WARS2: variants seen among roughly 807,000 people sequenced by gnomAD.
WARS2 encodes tryptophan--tRNA ligase, mitochondrial.
In WARS2, 28 loss-of-function variants were observed where a neutral mutation model predicts 36.5. The observed-to-expected ratio is 0.77, with a 90% CI of 0.57 to 1.05. The LOEUF (loss-of-function observed/expected upper bound fraction) is 1.05. Ranked by LOEUF, WARS2 falls within the 50% of genes least tolerant of loss-of-function variation. The pLI is 0.00. For synonymous variants in WARS2, 174 were observed against 178.4 expected (o/e 0.98, Z 0.20); for missense variants, 435 against 456.8 (o/e 0.95, Z 0.44).
Position 119,032,700 on chromosome 1 carries a change from T to G in WARS2, c.*211A>C. 1 of 560,628 alleles carries G rather than the reference T, an allele frequency of 1.8e-6. No individual in the cohort carries two copies. Among genetic ancestry groups the G allele is most frequent in the Non-Finnish European group, 3.1e-6 (1 of 323,422 alleles). 34.7% of individuals were successfully genotyped at this position (560,628 alleles called of 1,614,324 possible). ...AGCTATGCCTTCTTGATTTATTTTT[T>G]GTTGTTGTTGTTCACAGCATTTTGT... On this transcript the variant is annotated 3_prime_UTR_variant, in exon 6 of 6. Transcript: ENST00000235521.
intron 1 of WARS2, among the ~76,000 whole-genome samples, chr1:119,118,700 A>C (rs1279527508): frequency 6.6e-6 from 1 of 152,236 alleles, no homozygotes; most frequent in Non-Finnish European, 1.5e-5. Flanking sequence ...GGTAACTTAT[A>C]AAGGAAAACC....
intron 1 of WARS2, among the ~76,000 whole-genome samples, chr1:119,084,817 G>A (rs587630750): frequency 1.6e-4 from 25 of 152,298 alleles, no homozygotes; most frequent in Non-Finnish European, 3.2e-4. Context: ...TGAATGGTAC[G>A]AAGAATATCT....
chr1:119,124,750 C>T (rs1003036179), intron 1 of WARS2, among the ~76,000 whole-genome samples: 4 of 152,154 alleles, frequency 2.6e-5, no homozygotes, highest in Non-Finnish European at 5.9e-5. Flanking sequence ...TTCTCCCACA[C>T]AAAACCTTCC....
At chr1:119,033,397 A>G (rs1192319401) in intron 5 of WARS2, 38 bp from the exon 6 acceptor site, 1 of 1,608,906 alleles carries the variant, frequency 6.2e-7, no homozygotes, top group Non-Finnish European at 8.5e-7. Flanking sequence ...ACCCAAAACA[A>G]AAACAAAACA....
intron 1 of WARS2, among the ~76,000 whole-genome samples, chr1:119,123,138 T>C (rs1180991797): frequency 1.3e-5 from 2 of 152,218 alleles, no homozygotes; most frequent in Admixed American, 1.3e-4. Flanking sequence ...CAAGACTTAA[T>C]ACACTTATAG....
At chr1:119,067,197 T>C (rs895653731) in intron 2 of WARS2, among the ~76,000 whole-genome samples, 1 of 152,138 alleles carries the variant, frequency 6.6e-6, no homozygotes, top group Non-Finnish European at 1.5e-5. Context: ...GCAAAACAAA[T>C]AATATAGATT....
At chr1:119,055,685 G>T (rs1006839896) in intron 2 of WARS2, among the ~76,000 whole-genome samples, 2 of 146,072 alleles carry the variant, frequency 1.4e-5, no homozygotes, top group African/African-American at 2.6e-5. Context: ...AGAAAGGCAA[G>T]AAAGAAAGAA....
intron 1 of WARS2, among the ~76,000 whole-genome samples, chr1:119,078,095 T>C (rs764410630): frequency 6.6e-6 from 1 of 152,206 alleles, no homozygotes; most frequent in African/African-American, 2.4e-5. Context: ...AGATTGCCCA[T>C]GGTCACACAG....
intron 1 of WARS2, 113 bp downstream of exon 1, chr1:119,140,442 G>A (rs1391441884): frequency 1.1e-6 from 1 of 934,494 alleles, no homozygotes; most frequent in Non-Finnish European, 1.6e-6. Flanking sequence ...TTAGGCGAGG[G>A]AAGGCATGTA....
intron 2 of WARS2, among the ~76,000 whole-genome samples, chr1:119,070,123 G>A (rs1651179766): frequency 6.6e-6 from 1 of 152,140 alleles, no homozygotes. Context: ...ATAATTTTAA[G>A]TACATTTTCA....
chr1:119,046,610 C>T (rs151101786), intron 2 of WARS2, among the ~76,000 whole-genome samples: 34 of 151,822 alleles, frequency 2.2e-4, no homozygotes, highest in African/African-American at 6.5e-4. Flanking sequence ...CCCACCCCAG[C>T]GTCCCAAAGT....
chr1:119,135,101 T>C (rs1204670461), intron 1 of WARS2, among the ~76,000 whole-genome samples: 2 of 152,236 alleles, frequency 1.3e-5, no homozygotes, highest in African/African-American at 2.4e-5. Flanking sequence ...TACTGTATTG[T>C]AGTTATAAAA....
chr1:119,088,629 A>G (rs1173536514), intron 1 of WARS2, among the ~76,000 whole-genome samples: 2 of 152,168 alleles, frequency 1.3e-5, no homozygotes, highest in African/African-American at 4.8e-5. Context: ...AGGACAGAAG[A>G]TTATGACGCT....
intron 3 of WARS2, among the ~76,000 whole-genome samples, chr1:119,044,137 T>C (rs757982426): frequency 3.3e-5 from 5 of 152,210 alleles, no homozygotes; most frequent in Non-Finnish European, 5.9e-5. Context: ...AAGATATCAC[T>C]AGTATTTAAT....
intron 2 of WARS2, among the ~76,000 whole-genome samples, chr1:119,074,696 G>A (rs908962078): frequency 6.6e-6 from 1 of 152,084 alleles, no homozygotes; most frequent in African/African-American, 2.4e-5. Flanking sequence ...GAATTTGTGT[G>A]TTCTGCATCC....
At chr1:119,080,406 A>G (rs1361052383) in intron 1 of WARS2, among the ~76,000 whole-genome samples, 1 of 152,184 alleles carries the variant, frequency 6.6e-6, no homozygotes, top group Non-Finnish European at 1.5e-5. Context: ...TGTGGGAAAA[A>G]AGTATTGTGA....
At chr1:119,111,682 T>C (rs1240256392) in intron 1 of WARS2, among the ~76,000 whole-genome samples, 1 of 152,124 alleles carries the variant, frequency 6.6e-6, no homozygotes, top group Non-Finnish European at 1.5e-5. Flanking sequence ...TGAGTCCCCC[T>C]CATATTTTCA....
intron 1 of WARS2, among the ~76,000 whole-genome samples, chr1:119,109,152 A>C (rs1007639899): frequency 6.6e-6 from 1 of 151,954 alleles, no homozygotes; most frequent in Non-Finnish European, 1.5e-5. Flanking sequence ...ATCTTGGTGA[A>C]TATTCCATGT....
At chr1:119,052,510 C>G (rs1417584865) in intron 2 of WARS2, among the ~76,000 whole-genome samples, 1 of 152,152 alleles carries the variant, frequency 6.6e-6, no homozygotes, top group East Asian at 1.9e-4. Context: ...ACTGGTCTTC[C>G]CCCACTCAGT....
Sources: gnomAD v4.1 joint callset for allele counts (sites outside exome capture counted in the v4.1 genomes callset) on GRCh38, gnomAD v4.1.1 for gene constraint, MANE v1.5 for transcripts, NCBI Gene and HGNC (gene_info 2026-07-23, HGNC 2026-07-21) for gene names.